Variants in THSD7A observed in about 807,000 individuals in gnomAD.
THSD7A encodes the protein thrombospondin type-1 domain-containing protein 7A.
A neutral mutation model predicts 231.3 loss-of-function variants in THSD7A; 96 were observed. The ratio of observed to expected loss-of-function variants is 0.41; its 90% CI spans 0.35 to 0.49. The LOEUF is 0.49. THSD7A is among the 20% of genes least tolerant of loss of function. THSD7A has a pLI of 0.05. For missense variants in THSD7A, 2,290 were observed against 2,070.2 expected, an observed-to-expected ratio of 1.11 and a Z score of -2.06; for synonymous variants, 940 against 743.3, an observed-to-expected ratio of 1.26 and a Z score of -4.30.
chr7:11,784,598 GTTTA>G (rs955025047), intron 1 of THSD7A, among the ~76,000 whole-genome samples: 1 of 151,478 alleles, frequency 6.6e-6, no homozygotes, highest in African/African-American at 2.4e-5. Flanking sequence ...TTTTTTCTAG[GTTTA>G]TTTATTTTCC....
chr7:11,600,633 T>C (rs531357843), intron 2 of THSD7A, among the ~76,000 whole-genome samples: 5 of 152,294 alleles, frequency 3.3e-5, no homozygotes, highest in Non-Finnish European at 5.9e-5. Context: ...CAATAATCAA[T>C]AGTGTATATT....
At chr7:11,598,682 A>G (rs538767865) in intron 2 of THSD7A, among the ~76,000 whole-genome samples, 2 of 152,272 alleles carry the variant, frequency 1.3e-5, no homozygotes, top group South Asian at 2.1e-4. Flanking sequence ...ATCAGCATGC[A>G]ATATATGGTA....
intron 11 of THSD7A, among the ~76,000 whole-genome samples, chr7:11,457,413 C>T (rs39183): frequency 0.27 from 41,643 of 151,824 alleles, 6,003 homozygotes; most frequent in South Asian, 0.44. Flanking sequence ...TTTTATCTCT[C>T]TTCTATTGTC....
At chr7:11,556,297 G>C (rs1186511018) in intron 4 of THSD7A, among the ~76,000 whole-genome samples, 1 of 150,228 alleles carries the variant, frequency 6.7e-6, no homozygotes, top group Non-Finnish European at 1.5e-5. Context: ...ATGTGTATAT[G>C]TGTATATATG....
At chr7:11,486,803 G>T (rs761635979) in intron 6 of THSD7A, among the ~76,000 whole-genome samples, 60 of 152,182 alleles carry the variant, frequency 3.9e-4, no homozygotes, top group Admixed American at 7.2e-4. Flanking sequence ...ACCCACAAAG[G>T]TCTAGGCATT....
intron 2 of THSD7A, among the ~76,000 whole-genome samples, chr7:11,606,449 C>T (rs1780736401): frequency 1.3e-5 from 2 of 152,002 alleles, no homozygotes; most frequent in African/African-American, 4.8e-5. Flanking sequence ...ATTCCTAGCC[C>T]CTTTATGAGG....
chr7:11,550,021 C>T (rs557335955), intron 4 of THSD7A, among the ~76,000 whole-genome samples: 17 of 152,096 alleles, frequency 1.1e-4, no homozygotes, highest in African/African-American at 4.1e-4. Context: ...AAAAGGCATC[C>T]AAATAGGAAG....
At chr7:11,451,175 G>T (rs1785131116) in intron 11 of THSD7A, among the ~76,000 whole-genome samples, 1 of 151,934 alleles carries the variant, frequency 6.6e-6, no homozygotes, top group East Asian at 1.9e-4. Context: ...CTATGAAAAA[G>T]GGAGCTATAA....
intron 23 of THSD7A, among the ~76,000 whole-genome samples, chr7:11,397,900 A>G (rs1235453470): frequency 1.3e-5 from 2 of 152,346 alleles, no homozygotes; most frequent in East Asian, 3.9e-4. Flanking sequence ...TCAGGAAACA[A>G]TGGATGCTAG....
intron 1 of THSD7A, among the ~76,000 whole-genome samples, chr7:11,783,577 A>G (rs1440353179): frequency 2.0e-5 from 3 of 152,160 alleles, no homozygotes; most frequent in Non-Finnish European, 1.5e-5. Flanking sequence ...TGGCAGTAAC[A>G]TTAATTCTAT....
intron 1 of THSD7A, among the ~76,000 whole-genome samples, chr7:11,819,676 T>C (rs921827259): frequency 2.6e-5 from 4 of 152,024 alleles, no homozygotes; most frequent in African/African-American, 9.7e-5. Context: ...AAGGGAGAAA[T>C]AGAAGGAGCA....
intron 4 of THSD7A, among the ~76,000 whole-genome samples, chr7:11,553,241 T>C (rs1228079797): frequency 6.6e-6 from 1 of 152,106 alleles, no homozygotes; most frequent in Non-Finnish European, 1.5e-5. Context: ...CATAAGCTTT[T>C]TTTCATTAAT....
At chr7:11,725,434 A>G (rs573399528) in intron 1 of THSD7A, among the ~76,000 whole-genome samples, 69 of 152,116 alleles carry the variant, frequency 4.5e-4, no homozygotes, top group African/African-American at 1.6e-3. Context: ...TATAAAAGAC[A>G]TACCTATCTT....
chr7:11,551,619 G>C (rs545272536), intron 4 of THSD7A, among the ~76,000 whole-genome samples: 4 of 152,114 alleles, frequency 2.6e-5, no homozygotes, highest in Admixed American at 6.6e-5. Flanking sequence ...CTATTCATCA[G>C]AGACAATCAA....
At chr7:11,492,018 A>G (rs1301603361) in intron 6 of THSD7A, among the ~76,000 whole-genome samples, 3 of 151,944 alleles carry the variant, frequency 2.0e-5, no homozygotes, top group African/African-American at 7.2e-5. Context: ...TGCCAGCCAC[A>G]CTGCTGTGAC....
intron 3 of THSD7A, among the ~76,000 whole-genome samples, chr7:11,592,964 C>T (rs766601584): frequency 1.4e-4 from 22 of 152,008 alleles, no homozygotes; most frequent in South Asian, 4.2e-4. Context: ...AATAGAGACA[C>T]GTATGGCCTG....
rs575537042 is a variant in THSD7A, at chr7:11,476,059, A to T, written c.2018-1491T>A. ...TCCTTTTTAAATGAAACTTGTTAGG[A>T]TCTACAATACAGGTTCAAAAAATTG... is the stretch of plus-strand genomic sequence containing the variant. On this transcript the variant is annotated intron_variant, in intron 7 of 27. Transcript: ENST00000423059. Among the ~76,000 whole-genome samples the T allele has an allele frequency of 1.1e-4, 17 of 150,828 alleles. 1 individual carries two copies. Among genetic ancestry groups the T allele is most frequent in the Admixed American group, 9.3e-4 (14 of 14,978 alleles).
rs560350089 is a variant in THSD7A at position 11,683,163 on chromosome 7, G to C, written c.191-46202C>G. Among the ~76,000 whole-genome samples the C allele has an allele frequency of 2.7e-5, 4 of 150,728 alleles. No individual in the cohort carries two copies. The South Asian group carries it at 8.4e-4, about 32-fold the overall frequency. Reference sequence around the variant, plus strand: ...TCAAAATCATGCCAAGCATATTCTTGGAAGACAGTGGAATAAGAATAGAAA... The same window carrying C: ...TCAAAATCATGCCAAGCATATTCTTCGAAGACAGTGGAATAAGAATAGAAA... On this transcript the variant is annotated intron_variant, in intron 1 of 27. Coordinates refer to ENST00000423059, the MANE Select transcript of THSD7A (RefSeq NM_015204.3).
At chr7:11,635,934 T>C (rs1430569318) in intron 2 of THSD7A, among the ~76,000 whole-genome samples, 196 bp downstream of exon 2, 3 of 151,952 alleles carry the variant, frequency 2.0e-5, no homozygotes, top group Non-Finnish European at 4.4e-5. Flanking sequence ...ACTCAAGTAA[T>C]ACAGGGCCTA....
Sources: allele counts gnomAD v4.1 joint callset (sites outside exome capture counted in the v4.1 genomes callset), GRCh38; gene constraint gnomAD v4.1.1; transcripts MANE v1.5; gene names NCBI Gene and HGNC (gene_info 2026-07-23, HGNC 2026-07-21).